Variants in ASTN2 observed in about 807,000 individuals in gnomAD.
The protein encoded by ASTN2 is astrotactin 2, also known as astrotactin-2.
Under a neutral mutation model 139.8 loss-of-function variants are expected in ASTN2, and 54 were observed. The ratio of observed to expected loss-of-function variants is 0.39; its 90% CI spans 0.31 to 0.48. ASTN2 has a LOEUF of 0.48. Ranked by LOEUF, ASTN2 falls within the 20% of genes least tolerant of loss-of-function variation. The pLI is 0.95. For synonymous variants in ASTN2, 756 were observed against 719.5 expected (o/e 1.05, Z -0.81); for missense variants, 1,565 against 1,725.1 (o/e 0.91, Z 1.64).
In ASTN2 at chr9:117,005,557, A is replaced by G. The variant is rs1251394455; in HGVS notation, c.1591+2535T>C. Reference sequence around the variant, plus strand: ...CACAGCAAAGGTGGCTGCCTGGACAACAGAAGCAGACCACCACACCAAAAT... The same window carrying G: ...CACAGCAAAGGTGGCTGCCTGGACAGCAGAAGCAGACCACCACACCAAAAT... On this transcript the variant is annotated intron_variant, in intron 7 of 22. Transcript: ENST00000313400. 3.9e-5 allele frequency among the ~76,000 whole-genome samples: 6 copies of G among 152,174 alleles called. No homozygotes were observed. In the East Asian group the frequency reaches 9.7e-4, roughly 24 times the overall value.
chr9:116,532,714 G>A (rs1468817127), intron 19 of ASTN2, among the ~76,000 whole-genome samples: 1 of 152,076 alleles, frequency 6.6e-6, no homozygotes. Flanking sequence ...CTGTTCCATT[G>A]GTCTATATCT....
chr9:117,174,185 C>G (rs1830863544), intron 3 of ASTN2, among the ~76,000 whole-genome samples: 2 of 151,668 alleles, frequency 1.3e-5, no homozygotes, highest in African/African-American at 2.4e-5. Flanking sequence ...GATAGACACA[C>G]AACCATGAAT....
chr9:116,732,234 G>A (rs1828804323), intron 14 of ASTN2, among the ~76,000 whole-genome samples: 1 of 152,148 alleles, frequency 6.6e-6, no homozygotes, highest in Admixed American at 6.5e-5. Flanking sequence ...ATTAGTTCAT[G>A]TCCTTGCTAA....
chr9:117,089,011 C>T (rs1344465476), intron 5 of ASTN2, among the ~76,000 whole-genome samples: 5 of 152,200 alleles, frequency 3.3e-5, no homozygotes, highest in Admixed American at 1.3e-4. Context: ...TGATTAGCAA[C>T]GCTTCCCTGT....
At chr9:117,030,370 T>C (rs947894292) in intron 6 of ASTN2, among the ~76,000 whole-genome samples, 1 of 152,212 alleles carries the variant, frequency 6.6e-6, no homozygotes, top group African/African-American at 2.4e-5. Flanking sequence ...GCCTACTCCT[T>C]GCAACAACCC....
intron 4 of ASTN2, among the ~76,000 whole-genome samples, chr9:117,123,685 C>T (rs1169614006): frequency 6.6e-6 from 1 of 152,062 alleles, no homozygotes; most frequent in Non-Finnish European, 1.5e-5. Flanking sequence ...TCTTTGGAGA[C>T]TCAGAGAGGT....
intron 22 of ASTN2, among the ~76,000 whole-genome samples, chr9:116,436,850 A>T (rs906902188): frequency 6.6e-6 from 1 of 151,966 alleles, no homozygotes; most frequent in African/African-American, 2.4e-5. Flanking sequence ...AAAATGTGGC[A>T]CATATACACC....
At chr9:116,946,087 C>G (rs959333114) in intron 10 of ASTN2, among the ~76,000 whole-genome samples, 2 of 152,216 alleles carry the variant, frequency 1.3e-5, no homozygotes, top group African/African-American at 2.4e-5. Context: ...CACTTACTAT[C>G]ATGAGAACAG....
chr9:117,163,823 G>C (rs1830607730), intron 3 of ASTN2, among the ~76,000 whole-genome samples: 1 of 151,880 alleles, frequency 6.6e-6, no homozygotes, highest in Non-Finnish European at 1.5e-5. Context: ...TTTTATTGTA[G>C]ACTTCCACTC....
At chr9:116,769,607 G>A (rs892093905) in intron 13 of ASTN2, among the ~76,000 whole-genome samples, 1 of 152,066 alleles carries the variant, frequency 6.6e-6, no homozygotes, top group Non-Finnish European at 1.5e-5. Context: ...GAGAGGATGG[G>A]GTAAGTATTA....
At chr9:116,926,468 T>A (rs1336199146) in intron 10 of ASTN2, among the ~76,000 whole-genome samples, 1 of 152,212 alleles carries the variant, frequency 6.6e-6, no homozygotes, top group East Asian at 1.9e-4. Context: ...CCTGCCTTCA[T>A]GTTATCGAGT....
chr9:117,212,468 C>T (rs1162558325), intron 3 of ASTN2, among the ~76,000 whole-genome samples: 1 of 151,864 alleles, frequency 6.6e-6, no homozygotes, highest in Non-Finnish European at 1.5e-5. Context: ...AGAATGAAAA[C>T]ACAACCTACA....
chr9:117,222,446 G>A (rs1343290837), intron 2 of ASTN2, among the ~76,000 whole-genome samples: 3 of 152,044 alleles, frequency 2.0e-5, no homozygotes, highest in Non-Finnish European at 4.4e-5. Context: ...GTCAGAGTAC[G>A]TGGAGCCTGA....
At chr9:116,510,782 C>G (rs1222751970) in intron 19 of ASTN2, among the ~76,000 whole-genome samples, 1 of 152,106 alleles carries the variant, frequency 6.6e-6, no homozygotes, top group Non-Finnish European at 1.5e-5. Context: ...TGGGAGTTCA[C>G]TCATGATTTG....
intron 2 of ASTN2, among the ~76,000 whole-genome samples, chr9:117,270,440 T>A (rs966949579): frequency 7.2e-5 from 11 of 152,102 alleles, no homozygotes; most frequent in African/African-American, 2.7e-4. Flanking sequence ...CATAAAGTAT[T>A]TGTTTTTTTG....
chr9:116,704,406 C>T (rs1482101997), intron 16 of ASTN2, among the ~76,000 whole-genome samples: 1 of 152,176 alleles, frequency 6.6e-6, no homozygotes, highest in Non-Finnish European at 1.5e-5. Context: ...GCTGTTGTGA[C>T]TTTGTGTCAC....
chr9:116,805,908 C>G (rs1262444955), intron 12 of ASTN2, 88 bp from the exon 13 acceptor site: 3 of 1,315,798 alleles, frequency 2.3e-6, no homozygotes, highest in Non-Finnish European at 2.1e-6. Flanking sequence ...CCTTTCCCTG[C>G]AAAACAGGTC....
chr9:117,082,038 C>A (rs143261576), intron 5 of ASTN2, among the ~76,000 whole-genome samples: 316 of 152,282 alleles, frequency 2.1e-3, no homozygotes, highest in Non-Finnish European at 3.3e-3. Context: ...AATGCATGTT[C>A]TTTGAAGCTG....
At chr9:116,483,393 T>A (rs1297958177) in intron 20 of ASTN2, among the ~76,000 whole-genome samples, 1 of 152,054 alleles carries the variant, frequency 6.6e-6, no homozygotes, top group African/African-American at 2.4e-5. Context: ...ACTGTGTAAA[T>A]TTACATGGAT....
Sources: allele counts gnomAD v4.1 joint callset (sites outside exome capture counted in the v4.1 genomes callset), GRCh38; gene constraint gnomAD v4.1.1; transcripts MANE v1.5; gene names NCBI Gene and HGNC (gene_info 2026-07-23, HGNC 2026-07-21).